Variants in CRACDL observed in about 807,000 individuals in gnomAD.
The protein encoded by CRACDL is CRACD like.
In CRACDL, 26 loss-of-function variants were observed where a neutral mutation model predicts 70.6. The ratio of observed to expected loss-of-function variants is 0.37; its 90% CI spans 0.27 to 0.51. The LOEUF is 0.51. CRACDL is among the 20% of genes least tolerant of loss of function. The pLI is 0.94. For missense variants in CRACDL, 1,283 were observed against 1,376.9 expected (o/e 0.93, Z 1.08); for synonymous variants, 618 against 615.2 (o/e 1.00, Z -0.07).
chr2:98,818,371 C>T (rs532733465), intron 7 of CRACDL, among the ~76,000 whole-genome samples: 4 of 152,314 alleles, frequency 2.6e-5, no homozygotes, highest in South Asian at 2.1e-4. Context: ...AGCGTCCCTC[C>T]ATTCCTTCAA....
rs539832810 is a variant in CRACDL at position 98,838,920 on chromosome 2, T to C, written c.71-633A>G. 3.9e-5 allele frequency among the ~76,000 whole-genome samples: 6 copies of C among 152,278 alleles called. No individual in the cohort carries two copies. The South Asian group carries it at 1.2e-3, about 32-fold the overall frequency. ...TAGAATTCACCACACTTTTCAACAT[T>C]TTGTGATTGCTCCTCTGGTGACAGC... is the stretch of plus-strand genomic sequence containing the variant. On this transcript the variant is annotated intron_variant, in intron 2 of 9. Coordinates refer to ENST00000397899, the MANE Select transcript of CRACDL (RefSeq NM_207362.3).
At chr2:98,885,549 G>A (rs1707777574) in intron 1 of CRACDL, among the ~76,000 whole-genome samples, 1 of 152,048 alleles carries the variant, frequency 6.6e-6, no homozygotes, top group Non-Finnish European at 1.5e-5. Context: ...GACAGGGTGT[G>A]GTATGAACTT....
In CRACDL at chr2:98,822,761, G is replaced by A. The variant is rs572316665; in HGVS notation, c.1512C>T (p.Ala504=). ...GGGACGCGGCGGGGCCCTCGCTGGC[G>A]GCCGCGGGCCGGTGTTTCAGGCAGC... The part of the protein sequence containing the change: ...PKSCLKHRPA[A]ASEGPAASPP... Residue 504 remains alanine (A), a synonymous_variant, in exon 7 of 10, where the codon GCC becomes GCT. Transcript: ENST00000397899. This position sits in a 1 kb window ranked among gnomAD's most constrained non-coding sequence, Gnocchi z 4.9. 35 of 1,270,500 alleles carry A rather than the reference G, an allele frequency of 2.8e-5. No individual in the cohort carries two copies. The South Asian group carries it at 7.2e-4, about 26-fold the overall frequency. The allele number at this position is 1,270,500 out of a possible 1,614,324, so 78.7% of individuals were successfully genotyped here. A position where few individuals can be genotyped will look rare whatever the true frequency, so the allele number is the denominator to read the frequency against.
intron 1 of CRACDL, among the ~76,000 whole-genome samples, chr2:98,935,282 G>A (rs1709180133): frequency 6.6e-6 from 1 of 150,554 alleles, no homozygotes; most frequent in Admixed American, 6.6e-5. Flanking sequence ...CACCTACACG[G>A]AGTCAAATTC....
chr2:98,924,269 C>T (rs914172847), intron 1 of CRACDL, among the ~76,000 whole-genome samples: 2 of 152,152 alleles, frequency 1.3e-5, no homozygotes, highest in East Asian at 1.9e-4. Context: ...GCTGCCAGCT[C>T]GGGATCCCAG....
chr2:98,874,005 C>G (rs1707417537), intron 1 of CRACDL, among the ~76,000 whole-genome samples: 1 of 151,682 alleles, frequency 6.6e-6, no homozygotes, highest in Non-Finnish European at 1.5e-5. Flanking sequence ...GACTCTGTCT[C>G]AAAAATAAAA....
In CRACDL at chr2:98,796,199, A is replaced by G. The variant is rs371800788; in HGVS notation, c.2670T>C (p.Ala890=). Residue 890 remains alanine, a synonymous_variant, in exon 9 of 10, where the codon GCT becomes GCC. Coordinates refer to ENST00000397899, the MANE Select transcript of CRACDL (RefSeq NM_207362.3). ...KSFLITPVKP[A]VDRKQGAKLN... is the part of the protein sequence containing the mutation. Reference sequence around the variant, plus strand: ...GCTTTGCCCCCTGCTTCCGGTCCACAGCGGGCTTCACAGGGGTTATCAGGA... The same window carrying G: ...GCTTTGCCCCCTGCTTCCGGTCCACGGCGGGCTTCACAGGGGTTATCAGGA... 1.9e-6 allele frequency: 3 copies of G among 1,614,080 alleles called. No individual in the cohort carries two copies. In the African/African-American group the frequency reaches 4.0e-5, roughly 22 times the overall value.
At chr2:98,814,496 CTTATT>C (rs1437687874) in intron 7 of CRACDL, among the ~76,000 whole-genome samples, 4 of 152,066 alleles carry the variant, frequency 2.6e-5, no homozygotes, top group Admixed American at 6.5e-5. Context: ...TTATCAAACT[CTTATT>C]TAATTCATTA....
rs567905601 is a variant in CRACDL, at chr2:98,877,723, TG to T, written c.-10-30914del. Among the ~76,000 whole-genome samples the T allele has an allele frequency of 6.0e-3, 911 of 152,056 alleles. 4 individuals carry two copies. The highest frequency in any genetic ancestry group is 9.9e-3 in the Non-Finnish European group (670 of 67,970). On this transcript the variant is annotated intron_variant, in intron 1 of 9. Coordinates refer to ENST00000397899, the MANE Select transcript of CRACDL (RefSeq NM_207362.3). ...GAGGTCGCGCCACTGCACTCCAGCC[TG>T]GGAAACACAGTGGGACTCTGTCTCA...
intron 1 of CRACDL, among the ~76,000 whole-genome samples, chr2:98,928,202 A>AAT (rs1708981172): frequency 1.3e-5 from 2 of 152,128 alleles, no homozygotes; most frequent in African/African-American, 4.8e-5. Context: ...TAAATAAATA[A>AAT]AAATAAAAAA....
At chr2:98,916,657 T>C (rs1457682284) in intron 1 of CRACDL, among the ~76,000 whole-genome samples, 4 of 152,178 alleles carry the variant, frequency 2.6e-5, no homozygotes. Context: ...TAATGTAGGA[T>C]ACAACCTCTC....
At chr2:98,813,738 C>T (rs543806688) in intron 7 of CRACDL, among the ~76,000 whole-genome samples, 6 of 152,156 alleles carry the variant, frequency 3.9e-5, no homozygotes, top group South Asian at 2.1e-4. Context: ...CCTCATAAAA[C>T]GGGTTGGGAA....
intron 7 of CRACDL, among the ~76,000 whole-genome samples, chr2:98,815,832 G>A (rs942278290): frequency 2.0e-5 from 3 of 152,224 alleles, no homozygotes; most frequent in Non-Finnish European, 4.4e-5. Context: ...AAAGAATCAA[G>A]AGTTGTGCCT....
At chr2:98,794,724 T>A in intron 9 of CRACDL, 53 bp from the exon 10 acceptor site, 1 of 1,548,330 alleles carries the variant, frequency 6.5e-7, no homozygotes, top group South Asian at 1.1e-5. Flanking sequence ...ACTTCGAATT[T>A]TCCCTTAAGC....
At chr2:98,802,038 G>A (rs1019698216) in intron 7 of CRACDL, among the ~76,000 whole-genome samples, 1 of 152,230 alleles carries the variant, frequency 6.6e-6, no homozygotes, top group African/African-American at 2.4e-5. Context: ...CCTCTTGCAG[G>A]GTCAGGCAGC....
At chr2:98,858,119 G>T (rs372396776) in intron 1 of CRACDL, among the ~76,000 whole-genome samples, 2 of 152,094 alleles carry the variant, frequency 1.3e-5, no homozygotes, top group East Asian at 1.9e-4. Context: ...CCTTTGAGAT[G>T]AATAAAAACA....
intron 2 of CRACDL, among the ~76,000 whole-genome samples, chr2:98,841,902 A>G (rs983275598): frequency 2.6e-5 from 4 of 152,082 alleles, no homozygotes; most frequent in Non-Finnish European, 4.4e-5. Flanking sequence ...TGTGGCTTCT[A>G]TTGTGTTGAG....
chr2:98,930,200 C>T (rs985007667), intron 1 of CRACDL, among the ~76,000 whole-genome samples: 3 of 152,128 alleles, frequency 2.0e-5, no homozygotes, highest in Non-Finnish European at 4.4e-5. Context: ...TGCTTCAAGT[C>T]AGGTCCTTCT....
intron 6 of CRACDL, among the ~76,000 whole-genome samples, chr2:98,825,182 GC>G (rs937549294): frequency 8.5e-5 from 13 of 152,160 alleles, no homozygotes; most frequent in African/African-American, 2.9e-4. Flanking sequence ...AAGGACAGAG[GC>G]CCCCGGCATC....
Sources: allele counts gnomAD v4.1 joint callset (sites outside exome capture counted in the v4.1 genomes callset), GRCh38; gene constraint gnomAD v4.1.1; non-coding constraint Gnocchi (gnomAD v3.1); transcripts MANE v1.5; gene names NCBI Gene and HGNC (gene_info 2026-07-23, HGNC 2026-07-21).